The following GDF1 variants were observed in gnomAD, a reference collection of about 807,000 sequenced individuals.
GDF1 encodes embryonic growth/differentiation factor 1.
A neutral mutation model predicts 7.4 loss-of-function variants in GDF1; 8 were observed. The observed-to-expected ratio is 1.09, with a 90% CI of 0.64 to 1.96. The LOEUF is 1.96. GDF1 is among the 30% of genes most tolerant of loss of function. The probability of loss-of-function intolerance (pLI) is 0.00; values close to 1 mark genes in which losing one functional copy is unlikely to be tolerated. For missense variants in GDF1, 574 were observed against 551.5 expected (o/e 1.04, Z -0.41); for synonymous variants, 311 against 276.7 (o/e 1.12, Z -1.23).
intron 7 of GDF1, 40 bp from the exon 8 acceptor site, chr19:18,869,430 C>T: frequency 6.6e-7 from 1 of 1,519,730 alleles, no homozygotes; most frequent in Non-Finnish European, 8.8e-7. Context: ...GCGCTGCGTC[C>T]CCGGCCTGCC....
At chr19:18,871,550 G>A (rs544653206) in intron 6 of GDF1, among the ~76,000 whole-genome samples, 1 of 152,248 alleles carries the variant, frequency 6.6e-6, no homozygotes, top group East Asian at 1.9e-4. Flanking sequence ...TGTTTGTTGA[G>A]ATGAGGTCGC....
At chr19:18,892,670 T>C (rs1341964815) in intron 2 of GDF1, among the ~76,000 whole-genome samples, 1 of 152,088 alleles carries the variant, frequency 6.6e-6, no homozygotes, top group East Asian at 1.9e-4. Context: ...CTCAGCTCTC[T>C]GCAGCCACCC....
intron 2 of GDF1, among the ~76,000 whole-genome samples, chr19:18,891,592 C>T (rs2056491957): frequency 6.6e-6 from 1 of 152,020 alleles, no homozygotes; most frequent in Non-Finnish European, 1.5e-5. Flanking sequence ...ACACCCCCAA[C>T]CCCCAGGCAG....
Position 18,895,058 on chromosome 19 carries a change from G to GAT in GDF1, c.-1074+765_-1074+766insAT. The stretch of plus-strand genomic sequence containing the variant: ...TCTCGCAGGGGCGATGGTCTCCGCA[G>GAT]AAACTGGGGAATTCTGCTGTCGCCT... On this transcript the variant is annotated intron_variant, in intron 1 of 7. Transcript: ENST00000247005. This position sits in a 1 kb window ranked among gnomAD's most constrained non-coding sequence, Gnocchi z 6.4. Among the ~76,000 whole-genome samples the GAT allele has an allele frequency of 6.6e-6, 1 of 152,368 alleles. No homozygotes were observed. The highest frequency in any genetic ancestry group is 1.9e-4 in the East Asian group (1 of 5,180).
At chr19:18,871,828 C>T (rs1206037406) in intron 6 of GDF1, among the ~76,000 whole-genome samples, 1 of 152,170 alleles carries the variant, frequency 6.6e-6, no homozygotes, top group Non-Finnish European at 1.5e-5. Context: ...TCCTTGAGAC[C>T]GTGAGTGGCG....
Position 18,880,411 on chromosome 19 carries a change from C to A in GDF1, c.-708G>T. On this transcript the variant is annotated 5_prime_UTR_variant, in exon 4 of 8. Transcript: ENST00000247005. ...CGTCACTGATATCGTGCAGGAAGAG[C>A]ACAAGGATGCCCACATTGTGGTACC... 1 of 1,590,992 alleles carries A rather than the reference C, an allele frequency of 6.3e-7. No individual in the cohort carries two copies. The highest frequency in any genetic ancestry group is 8.6e-7 in the Non-Finnish European group (1 of 1,168,586).
At position 18,870,882 on chromosome 19, in the gene GDF1, T is replaced by C; in HGVS notation, c.-312-263A>G. ...TTGCTTCCCCCTCTCCAATTAAACC[T>C]TCCTCTTCCCCTCCTCCCTGCCTCT... On this transcript the variant is annotated intron_variant, in intron 6 of 7. Coordinates refer to ENST00000247005, the MANE Select transcript of GDF1 (RefSeq NM_001492.6). This position sits in a 1 kb window ranked among gnomAD's most constrained non-coding sequence, Gnocchi z 5.1. Among the ~76,000 whole-genome samples, 1 of 151,670 alleles carries C rather than the reference T, an allele frequency of 6.6e-6. No homozygotes were observed. The highest frequency in any genetic ancestry group is 1.9e-4 in the East Asian group (1 of 5,136).
At chr19:18,875,392 A>G (rs2056042942) in intron 6 of GDF1, among the ~76,000 whole-genome samples, 1 of 152,106 alleles carries the variant, frequency 6.6e-6, no homozygotes, top group Non-Finnish European at 1.5e-5. Context: ...AAAATACAAA[A>G]ATTAGCTGGG....
chr19:18,885,525 T>G (rs8103221), intron 2 of GDF1, among the ~76,000 whole-genome samples: 48 of 66,786 alleles, frequency 7.2e-4, no homozygotes, highest in South Asian at 1.8e-3. Flanking sequence ...TTTTTTTTTT[T>G]TTTTTTTTTT....
At chr19:18,886,250 T>C (rs2056356144) in intron 2 of GDF1, among the ~76,000 whole-genome samples, 1 of 149,442 alleles carries the variant, frequency 6.7e-6, no homozygotes, top group Non-Finnish European at 1.5e-5. Flanking sequence ...TGCAAAAAAA[T>C]ATATAAAAAT....
intron 5 of GDF1, 39 bp from the exon 6 acceptor site, chr19:18,879,078 C>A (rs751365720): frequency 1.7e-5 from 27 of 1,605,654 alleles, no homozygotes; most frequent in African/African-American, 9.4e-5. Flanking sequence ...AGAAGAAAGC[C>A]CCCACGCCAC....
chr19:18,882,588 T>C (rs1300505741), intron 3 of GDF1, among the ~76,000 whole-genome samples: 5 of 151,568 alleles, frequency 3.3e-5, no homozygotes, highest in South Asian at 4.2e-4. Flanking sequence ...AGTAAGCCAA[T>C]GTCATGGCAC....
Position 18,870,257 on chromosome 19 carries a change from C to T in GDF1, c.51G>A (p.Leu17=). ...GPCGHHLLLL[L]ALLLPSLPLT... ...GGGGCAGCGAGGGCAGCAGCAGGGC[C>T]AGGAGGAGGAGGAGGTGGTGGCCGC... The change falls in exon 7 of 8, where the codon CTG becomes CTA. Residue 17 remains leucine (L), a synonymous_variant. Transcript: ENST00000247005. The surrounding 1 kb of genome is among the most constrained non-coding windows in gnomAD (Gnocchi z 5.1). 1 of 1,551,656 alleles carries T rather than the reference C, an allele frequency of 6.4e-7. No individual in the cohort carries two copies. Among genetic ancestry groups the T allele is most frequent in the Non-Finnish European group, 8.7e-7 (1 of 1,150,524 alleles).
chr19:18,877,165 TCTGG>T (rs761631376), intron 6 of GDF1, among the ~76,000 whole-genome samples: 27 of 152,338 alleles, frequency 1.8e-4, no homozygotes, highest in African/African-American at 5.8e-4. Context: ...CCTGATACTC[TCTGG>T]CACTTCTGTA....
Position 18,895,867 on chromosome 19 carries a change from C to A in GDF1, c.-1117G>T. The A allele has an allele frequency of 3.1e-6, 4 of 1,289,098 alleles. No individual in the cohort carries two copies. The highest frequency in any genetic ancestry group is 4.1e-5 in the South Asian group (2 of 48,422). 79.9% of individuals were successfully genotyped at this position (1,289,098 alleles called of 1,614,324 possible). Reference sequence around the variant, plus strand: ...GGCCGCGGAGCGCAGGGCGGTCCAGCCCAGCGCGCCGAGCGCCAGCAGCAG... The same window carrying A: ...GGCCGCGGAGCGCAGGGCGGTCCAGACCAGCGCGCCGAGCGCCAGCAGCAG... On this transcript the variant is annotated 5_prime_UTR_variant, in exon 1 of 8. Transcript: ENST00000247005. This position sits in a 1 kb window ranked among gnomAD's most constrained non-coding sequence, Gnocchi z 6.4.
intron 3 of GDF1, among the ~76,000 whole-genome samples, chr19:18,882,367 T>A (rs998768540): frequency 2.6e-5 from 4 of 151,544 alleles, no homozygotes; most frequent in Non-Finnish European, 1.5e-5. Context: ...ACGTGGTGGC[T>A]CACACCTGTA....
intron 6 of GDF1, chr19:18,877,774 A>AT: frequency 1.2e-5 from 2 of 160,932 alleles, no homozygotes; most frequent in Non-Finnish European, 2.6e-5. Flanking sequence ...AAAAAAAAAA[A>AT]GAATTCTTGA....
intron 6 of GDF1, among the ~76,000 whole-genome samples, chr19:18,875,557 A>C (rs1349850150): frequency 5.3e-5 from 8 of 152,080 alleles, no homozygotes; most frequent in Middle Eastern, 3.2e-3. Flanking sequence ...AAAAAAAAAA[A>C]AGAAGCTTTT....
rs1381252595 is a variant in GDF1 at position 18,868,805 on chromosome 19, AC to A, written c.910del (p.Val304SerfsTer81). ...CGGCCCCCCGGACCCCGACAGCGCG[AC>A]GGGCAGCGCGCACTGACCCTGGCAG... ...NYCQGQCALP[V>X]ALSGSGGPPA... On this transcript the variant is annotated frameshift_variant, in exon 8 of 8. Coordinates refer to ENST00000247005, the MANE Select transcript of GDF1 (RefSeq NM_001492.6). LOFTEE classifies it low-confidence loss of function (END_TRUNC). 1.4e-6 allele frequency: 2 copies of A among 1,456,196 alleles called. No homozygotes were observed. The highest frequency in any genetic ancestry group is 2.5e-5 in the South Asian group (2 of 80,644). 90.2% of individuals were successfully genotyped at this position (1,456,196 alleles called of 1,614,324 possible).
Sources: gnomAD v4.1 joint callset for allele counts (sites outside exome capture counted in the v4.1 genomes callset) on GRCh38, gnomAD v4.1.1 for gene constraint, Gnocchi (gnomAD v3.1) non-coding constraint, MANE v1.5 for transcripts, NCBI Gene and HGNC (gene_info 2026-07-23, HGNC 2026-07-21) for gene names.